SLC25A31: variants seen among roughly 807,000 people sequenced by gnomAD.
The protein encoded by SLC25A31 is ADP/ATP translocase 4.
SLC25A31 carries 40 observed loss-of-function variants against 36.2 expected under a neutral mutation model. The observed-to-expected ratio is 1.10, with a 90% CI of 0.86 to 1.44. SLC25A31 has a LOEUF of 1.44. SLC25A31 is among the 40% of genes most tolerant of loss of function. The pLI is 0.00. For missense variants in SLC25A31, 350 were observed against 397.1 expected (o/e 0.88, Z 1.01); for synonymous variants, 143 against 149.7 (o/e 0.96, Z 0.32).
chr4:127,734,553 T>C (rs1731587431), intron 1 of SLC25A31, among the ~76,000 whole-genome samples: 1 of 85,736 alleles, frequency 1.2e-5, no homozygotes, highest in Non-Finnish European at 2.2e-5. Context: ...AGGAAGACTG[T>C]CTCAAAAAAA....
At chr4:127,737,544 T>G (rs1455576529) in intron 1 of SLC25A31, among the ~76,000 whole-genome samples, 1 of 152,144 alleles carries the variant, frequency 6.6e-6, no homozygotes, top group Non-Finnish European at 1.5e-5. Context: ...GTTACAAACC[T>G]TTGTACTACT....
intron 3 of SLC25A31, among the ~76,000 whole-genome samples, chr4:127,766,464 C>A (rs1732246900): frequency 6.6e-6 from 1 of 151,892 alleles, no homozygotes; most frequent in Non-Finnish European, 1.5e-5. Context: ...CTGTGCCCTG[C>A]CAATTTTTCC....
intron 2 of SLC25A31, among the ~76,000 whole-genome samples, chr4:127,747,883 C>A (rs137951815): frequency 6.6e-5 from 10 of 152,196 alleles, no homozygotes; most frequent in Admixed American, 5.9e-4. Flanking sequence ...AAAGGTACTC[C>A]AATTAAAATC....
In SLC25A31 at chr4:127,767,125, G is replaced by C. The variant is rs982031092; in HGVS notation, c.538G>C (p.Asp180His). Residue 180 changes from aspartate to histidine, a missense_variant, in exon 4 of 6, where the codon GAT becomes CAT. Transcript: ENST00000281154. The stretch of plus-strand genomic sequence containing the variant: ...CTGTATTATGAAAATAGCAAAATCA[G>C]ATGGAATTGCTGGTTTATACCAAGG... The part of the protein sequence containing the change: ...GDCIMKIAKS[D>H]GIAGLYQGFG... 1 of 1,613,830 alleles carries C rather than the reference G, an allele frequency of 6.2e-7. No homozygotes were observed. The highest frequency in any genetic ancestry group is 8.5e-7 in the Non-Finnish European group (1 of 1,179,850).
In SLC25A31 at chr4:127,767,237, A is replaced by T. The variant is rs1732262801; in HGVS notation, c.633+17A>T. 6.7e-7 allele frequency: 1 copy of T among 1,499,546 alleles called. No individual in the cohort carries two copies. The highest frequency in any genetic ancestry group is 8.9e-7 in the Non-Finnish European group (1 of 1,123,126). The allele number at this position is 1,499,546 out of a possible 1,614,324, so 92.9% of individuals were successfully genotyped here. ...ACAGTTAAGGTAATCTGGGGGCTTTAACTTGGACATATTAAATATATGGTT... is the reference window on the plus strand; with the variant it reads ...ACAGTTAAGGTAATCTGGGGGCTTTTACTTGGACATATTAAATATATGGTT... On this transcript the variant is annotated intron_variant, in intron 4 of 5. Coordinates refer to ENST00000281154, the MANE Select transcript of SLC25A31 (RefSeq NM_031291.4).
intron 2 of SLC25A31, among the ~76,000 whole-genome samples, chr4:127,751,619 G>C (rs999006431): frequency 1.3e-5 from 2 of 151,882 alleles, no homozygotes; most frequent in African/African-American, 2.4e-5. Context: ...AGAAACTACC[G>C]TCAGAGTGAA....
intron 2 of SLC25A31, among the ~76,000 whole-genome samples, chr4:127,758,337 G>T (rs888952375): frequency 3.3e-5 from 5 of 152,142 alleles, no homozygotes; most frequent in African/African-American, 9.6e-5. Flanking sequence ...GGGTTATTTG[G>T]TTTTTTTCTG....
Position 127,773,403 on chromosome 4 carries a change from G to A in SLC25A31, c.777G>A (p.Arg259=). Reference sequence around the variant, plus strand: ...TTGTATAGAGTGGTGAGGCTAAACGGCAATATAAAGGAACCTTAGACTGCT... The same window carrying A: ...TTGTATAGAGTGGTGAGGCTAAACGACAATATAAAGGAACCTTAGACTGCT... ...RMMMQSGEAK[R]QYKGTLDCFV... is the part of the protein sequence containing the mutation. Residue 259 remains arginine, a synonymous_variant, in exon 6 of 6, where the codon CGG becomes CGA. Coordinates refer to ENST00000281154, the MANE Select transcript of SLC25A31 (RefSeq NM_031291.4). 1 of 1,612,362 alleles carries A rather than the reference G, an allele frequency of 6.2e-7. No homozygotes were observed. The highest frequency in any genetic ancestry group is 8.5e-7 in the Non-Finnish European group (1 of 1,179,552).
At position 127,773,685 on chromosome 4, in the gene SLC25A31, G is replaced by C; in HGVS notation, c.*111G>C. ...GTTATTGTCTGTATTTTGTTAAAGTGCTAGTTCTGCAATAAAGCATACATT... is the reference window on the plus strand; with the variant it reads ...GTTATTGTCTGTATTTTGTTAAAGTCCTAGTTCTGCAATAAAGCATACATT... On this transcript the variant is annotated 3_prime_UTR_variant, in exon 6 of 6. Coordinates refer to ENST00000281154, the MANE Select transcript of SLC25A31 (RefSeq NM_031291.4). 1 of 818,858 alleles carries C rather than the reference G, an allele frequency of 1.2e-6. No individual in the cohort carries two copies. Among genetic ancestry groups the C allele is most frequent in the Non-Finnish European group, 1.8e-6 (1 of 568,964 alleles). The allele number at this position is 818,858 out of a possible 1,614,324, so 50.7% of individuals were successfully genotyped here.
At chr4:127,754,862 A>G (rs1000598984) in intron 2 of SLC25A31, among the ~76,000 whole-genome samples, 2 of 152,226 alleles carry the variant, frequency 1.3e-5, no homozygotes, top group Non-Finnish European at 2.9e-5. Flanking sequence ...CACAAAAAGA[A>G]CAGAGCTGGA....
At chr4:127,740,902 C>T (rs562014276) in intron 1 of SLC25A31, among the ~76,000 whole-genome samples, 2 of 152,278 alleles carry the variant, frequency 1.3e-5, no homozygotes, top group African/African-American at 4.8e-5. Flanking sequence ...AGTGGGTGCT[C>T]CAAATGCCTG....
chr4:127,755,192 A>G (rs889553097), intron 2 of SLC25A31, among the ~76,000 whole-genome samples: 1 of 152,226 alleles, frequency 6.6e-6, no homozygotes, highest in Non-Finnish European at 1.5e-5. Flanking sequence ...AACATTGGGG[A>G]AAAACTCCAT....
chr4:127,764,184 G>T, intron 2 of SLC25A31, 59 bp from the exon 3 acceptor site: 1 of 1,373,936 alleles, frequency 7.3e-7, no homozygotes, highest in Admixed American at 2.0e-5. Flanking sequence ...AATTTACCAG[G>T]TATTTTAAAC....
chr4:127,770,291 T>C (rs1732327956), intron 5 of SLC25A31, among the ~76,000 whole-genome samples: 1 of 152,216 alleles, frequency 6.6e-6, no homozygotes, highest in Admixed American at 6.5e-5. Flanking sequence ...TTGATAACTG[T>C]ACTTTGGATA....
intron 1 of SLC25A31, among the ~76,000 whole-genome samples, chr4:127,732,852 G>C (rs1209985913): frequency 6.6e-6 from 1 of 152,068 alleles, no homozygotes; most frequent in Non-Finnish European, 1.5e-5. Flanking sequence ...GAAACTTGTG[G>C]GGCAATTTTT....
chr4:127,736,106 G>T (rs1212451178), intron 1 of SLC25A31, among the ~76,000 whole-genome samples: 1 of 151,390 alleles, frequency 6.6e-6, no homozygotes, highest in Admixed American at 6.6e-5. Flanking sequence ...AGCCAGGATG[G>T]TCTCGATCTC....
intron 5 of SLC25A31, among the ~76,000 whole-genome samples, chr4:127,769,978 C>CCT (rs1732322200): frequency 6.6e-6 from 1 of 152,130 alleles, no homozygotes; most frequent in South Asian, 2.1e-4. Flanking sequence ...TTTATACTGT[C>CCT]CTAAGAGTTC....
chr4:127,750,213 T>TAAC (rs60072971), intron 2 of SLC25A31, among the ~76,000 whole-genome samples: 108,247 of 151,782 alleles, frequency 0.71, 39,104 homozygotes, highest in African/African-American at 0.81. Context: ...AGACAATAAA[T>TAAC]AACATGAAAA....
intron 2 of SLC25A31, among the ~76,000 whole-genome samples, chr4:127,745,085 T>G: frequency 6.6e-6 from 1 of 152,166 alleles, no homozygotes. Flanking sequence ...TGTTTTGCGC[T>G]GGGGAAACAT....
Sources: allele counts gnomAD v4.1 joint callset (sites outside exome capture counted in the v4.1 genomes callset), GRCh38; gene constraint gnomAD v4.1.1; transcripts MANE v1.5; gene names NCBI Gene and HGNC (gene_info 2026-07-23, HGNC 2026-07-21).